Variants in KDM4B observed in about 807,000 individuals in gnomAD.
KDM4B encodes lysine demethylase 4B.
KDM4B carries 32 observed loss-of-function variants against 125.2 expected under a neutral mutation model. That is an observed-to-expected ratio of 0.26 (90% CI 0.19 to 0.34). The LOEUF (loss-of-function observed/expected upper bound fraction) is 0.34. Among genes scored for constraint, KDM4B ranks in the 10% least tolerant of loss-of-function variants. The pLI is 1.00. For synonymous variants in KDM4B, 721 were observed against 677.9 expected (o/e 1.06, Z -0.99); for missense variants, 1,190 against 1,577.7 (o/e 0.75, Z 4.16).
At position 4,997,072 on chromosome 19, in the gene KDM4B, C is replaced by T. The variant is rs941175509; in HGVS notation, c.-108-19185C>T. On this transcript the variant is annotated intron_variant, in intron 1 of 22. Coordinates refer to ENST00000159111, the MANE Select transcript of KDM4B (RefSeq NM_015015.3). This position sits in a 1 kb window ranked among gnomAD's most constrained non-coding sequence, Gnocchi z 4.2. Reference sequence around the variant, plus strand: ...GCATCCCTGGCCTCCACCCCCTCCACGCCAGCACCACCCTCAGTCGTGACA... The same window carrying T: ...GCATCCCTGGCCTCCACCCCCTCCATGCCAGCACCACCCTCAGTCGTGACA... 2.0e-5 allele frequency among the ~76,000 whole-genome samples: 3 copies of T among 152,142 alleles called. No homozygotes were observed. The highest frequency in any genetic ancestry group is 4.8e-5 in the African/African-American group (2 of 41,416).
At chr19:5,110,898 C>G in intron 10 of KDM4B, 80 bp downstream of exon 10, 3 of 1,151,018 alleles carry the variant, frequency 2.6e-6, no homozygotes, top group Non-Finnish European at 3.6e-6. Flanking sequence ...CCCCTTCCCA[C>G]TGGCAGGGGC....
intron 21 of KDM4B, among the ~76,000 whole-genome samples, chr19:5,148,192 T>C (rs2039884858): frequency 6.6e-6 from 1 of 152,372 alleles, no homozygotes; most frequent in East Asian, 1.9e-4. Context: ...GCTGCAAGTA[T>C]ATCCAGTTTT....
At chr19:5,095,878 G>A (rs2038811173) in intron 9 of KDM4B, among the ~76,000 whole-genome samples, 2 of 152,230 alleles carry the variant, frequency 1.3e-5, no homozygotes, top group Admixed American at 1.3e-4. Context: ...GTGTTTCCCT[G>A]GGAATCAGAC....
At chr19:5,059,264 C>T (rs1264038426) in intron 6 of KDM4B, among the ~76,000 whole-genome samples, 1 of 152,232 alleles carries the variant, frequency 6.6e-6, no homozygotes, top group Admixed American at 6.5e-5. Flanking sequence ...AATTGGGCAG[C>T]GCATGGCTTC....
At chr19:5,031,575 C>CG (rs1167541650) in intron 2 of KDM4B, among the ~76,000 whole-genome samples, 46 of 152,204 alleles carry the variant, frequency 3.0e-4, no homozygotes, top group African/African-American at 8.7e-4. Flanking sequence ...CAGCCCAGCG[C>CG]GGGGTGTGAC....
intron 1 of KDM4B, among the ~76,000 whole-genome samples, chr19:4,973,391 G>A (rs561006152): frequency 1.2e-3 from 181 of 152,222 alleles, no homozygotes; most frequent in African/African-American, 4.1e-3. Flanking sequence ...GTTTCACCAT[G>A]TTGACCAGGC....
At chr19:5,137,873 C>CCAG (rs1488302866) in intron 17 of KDM4B, 89 bp from the exon 18 acceptor site, 1 of 1,234,994 alleles carries the variant, frequency 8.1e-7, no homozygotes, top group Non-Finnish European at 1.1e-6. Flanking sequence ...AGGCCCTGAC[C>CCAG]CAGCCGACAG....
chr19:5,139,988 G>A (rs1222996001), intron 18 of KDM4B, among the ~76,000 whole-genome samples: 1 of 152,222 alleles, frequency 6.6e-6, no homozygotes, highest in Non-Finnish European at 1.5e-5. Context: ...AGCTGGCTGT[G>A]CACTTGGGAC....
chr19:5,106,685 G>A (rs2039041761), intron 9 of KDM4B, among the ~76,000 whole-genome samples: 1 of 152,228 alleles, frequency 6.6e-6, no homozygotes, highest in Non-Finnish European at 1.5e-5. Context: ...AGGTGCACTT[G>A]GCAGGGTGGT....
chr19:5,084,396 ATAAAT>A (rs936924667), intron 9 of KDM4B, among the ~76,000 whole-genome samples: 7 of 142,778 alleles, frequency 4.9e-5, no homozygotes, highest in Non-Finnish European at 7.6e-5. Context: ...TTTATATAAA[ATAAAT>A]TATATAAATT....
At chr19:5,030,569 C>T (rs921083575) in intron 2 of KDM4B, among the ~76,000 whole-genome samples, 17 of 152,322 alleles carry the variant, frequency 1.1e-4, no homozygotes, top group Admixed American at 7.8e-4. Flanking sequence ...ATGTGTGCAC[C>T]GGCCTGCAGA....
intron 9 of KDM4B, among the ~76,000 whole-genome samples, chr19:5,093,000 C>T (rs1194684830): frequency 6.6e-6 from 1 of 152,210 alleles, no homozygotes; most frequent in Non-Finnish European, 1.5e-5. Flanking sequence ...GCCTGTGGTT[C>T]ATACCTGGAG....
chr19:5,020,471 G>A (rs945142876), intron 2 of KDM4B, among the ~76,000 whole-genome samples: 2 of 152,130 alleles, frequency 1.3e-5, no homozygotes, highest in Non-Finnish European at 2.9e-5. Context: ...CCGTCTCCAC[G>A]GCGGCTGCAC....
intron 2 of KDM4B, among the ~76,000 whole-genome samples, chr19:5,027,164 G>T (rs1282235122): frequency 6.6e-6 from 1 of 152,262 alleles, no homozygotes; most frequent in Non-Finnish European, 1.5e-5. Context: ...CCAGGCAGAG[G>T]CCGGCAGAGG....
chr19:5,126,223 G>C (rs1482082053), intron 11 of KDM4B, among the ~76,000 whole-genome samples: 1 of 152,174 alleles, frequency 6.6e-6, no homozygotes, highest in Non-Finnish European at 1.5e-5. Flanking sequence ...GGGCGGTTGA[G>C]AGGCTGCTTC....
At chr19:5,138,360 C>T (rs1599260361) in intron 18 of KDM4B, 1 of 427,258 alleles carries the variant, frequency 2.3e-6, no homozygotes, top group African/African-American at 2.0e-5. Context: ...TCGAGCACCC[C>T]ATGCAGTTTC....
At chr19:4,981,433 G>A (rs1235603408) in intron 1 of KDM4B, among the ~76,000 whole-genome samples, 1 of 152,178 alleles carries the variant, frequency 6.6e-6, no homozygotes, top group Non-Finnish European at 1.5e-5. Context: ...CCAGCCTGGG[G>A]TTGGAGAGCA....
chr19:5,030,312 G>A (rs1294568272), intron 2 of KDM4B, among the ~76,000 whole-genome samples: 1 of 152,154 alleles, frequency 6.6e-6, no homozygotes, highest in African/African-American at 2.4e-5. Context: ...GCATCCCTTG[G>A]GCCGTCCAGC....
intron 1 of KDM4B, among the ~76,000 whole-genome samples, chr19:5,009,156 C>G (rs2035655245): frequency 6.6e-6 from 1 of 152,126 alleles, no homozygotes; most frequent in Non-Finnish European, 1.5e-5. Context: ...CTCGAAAGAT[C>G]TGCTCACCTT....
Sources: gnomAD v4.1 joint callset for allele counts (sites outside exome capture counted in the v4.1 genomes callset) on GRCh38, gnomAD v4.1.1 for gene constraint, Gnocchi (gnomAD v3.1) non-coding constraint, MANE v1.5 for transcripts, NCBI Gene and HGNC (gene_info 2026-07-23, HGNC 2026-07-21) for gene names.